The following BAZ1A variants were observed in gnomAD, a reference collection of about 807,000 sequenced individuals.
BAZ1A encodes bromodomain adjacent to zinc finger domain 1A.
A neutral mutation model predicts 185.2 loss-of-function variants in BAZ1A; 50 were observed. That is an observed-to-expected ratio of 0.27 (90% CI 0.22 to 0.34). The LOEUF (loss-of-function observed/expected upper bound fraction) is 0.34. BAZ1A is among the 10% of genes least tolerant of loss of function. BAZ1A has a pLI of 1.00. For synonymous variants in BAZ1A, 571 were observed against 615.6 expected (o/e 0.93, Z 1.07); for missense variants, 1,356 against 1,839.9 (o/e 0.74, Z 4.81).
At chr14:34,849,581 G>A (rs988275106) in intron 3 of BAZ1A, among the ~76,000 whole-genome samples, 3 of 152,104 alleles carry the variant, frequency 2.0e-5, no homozygotes, top group African/African-American at 7.2e-5. Flanking sequence ...TCTGATGAGT[G>A]GAGCAAATCA....
At chr14:34,797,836 G>T (rs1349136317) in intron 9 of BAZ1A, among the ~76,000 whole-genome samples, 1 of 152,082 alleles carries the variant, frequency 6.6e-6, no homozygotes, top group Non-Finnish European at 1.5e-5. Flanking sequence ...AGCAGGGCGA[G>T]CCAAAGCAGG....
At chr14:34,852,390 G>A (rs906859654) in intron 3 of BAZ1A, among the ~76,000 whole-genome samples, 21 of 152,026 alleles carry the variant, frequency 1.4e-4, no homozygotes, top group Admixed American at 1.0e-3. Flanking sequence ...AGGCTAAGGC[G>A]GACAGATCAC....
intron 3 of BAZ1A, among the ~76,000 whole-genome samples, chr14:34,856,579 C>T (rs2042682002): frequency 4.6e-5 from 7 of 151,916 alleles, no homozygotes; most frequent in South Asian, 4.1e-4. Context: ...ATTATGAGGC[C>T]GGGTGCGGTG....
At chr14:34,772,170 G>T (rs1360211697) in intron 20 of BAZ1A, among the ~76,000 whole-genome samples, 2 of 152,022 alleles carry the variant, frequency 1.3e-5, no homozygotes, top group East Asian at 3.8e-4. Context: ...TGGCCAGGCT[G>T]GTCTCGAATG....
intron 5 of BAZ1A, among the ~76,000 whole-genome samples, chr14:34,807,827 C>T (rs1388716597): frequency 2.0e-5 from 3 of 152,096 alleles, no homozygotes; most frequent in Admixed American, 6.6e-5. Context: ...CTTCAAGAGC[C>T]GGGCGCAGTG....
At chr14:34,817,015 T>C (rs2042016398) in intron 4 of BAZ1A, among the ~76,000 whole-genome samples, 1 of 148,906 alleles carries the variant, frequency 6.7e-6, no homozygotes. Flanking sequence ...ACATTAAGAG[T>C]AAAAAAAAAA....
At chr14:34,800,419 T>TA in intron 8 of BAZ1A, 29 bp from the exon 9 acceptor site, 1 of 1,477,322 alleles carries the variant, frequency 6.8e-7, no homozygotes, top group Non-Finnish European at 9.0e-7. Context: ...CTTAGAACTA[T>TA]ATATATAGAC....
chr14:34,862,136 G>C lies in BAZ1A; in HGVS notation c.300C>G (p.Arg100=). The C allele has an allele frequency of 6.2e-7, 1 of 1,614,126 alleles. No homozygotes were observed. The highest frequency in any genetic ancestry group is 8.5e-7 in the Non-Finnish European group (1 of 1,180,034). ...AGATATCATCACAAATTTCATGTAA[G>C]CGCGAACGATGGGTAAGGCTGGTCA... ...LYLTSLTHRS[R]LHEICDDIFA... The change falls in exon 3 of 27, where the codon CGC becomes CGG. Residue 100 remains arginine, a synonymous_variant. Transcript: ENST00000360310.
At chr14:34,756,561 G>C (rs963830278) in intron 25 of BAZ1A, among the ~76,000 whole-genome samples, 1 of 148,466 alleles carries the variant, frequency 6.7e-6, no homozygotes, top group Non-Finnish European at 1.5e-5. Context: ...CGCCTCCTGG[G>C]TTCAAGCGAT....
chr14:34,827,153 G>T (rs781751503), intron 3 of BAZ1A, among the ~76,000 whole-genome samples: 7 of 152,046 alleles, frequency 4.6e-5, no homozygotes, highest in Non-Finnish European at 7.4e-5. Flanking sequence ...GTCTAATACA[G>T]ATATCTACCT....
chr14:34,800,141 A>G, intron 9 of BAZ1A, 83 bp downstream of exon 9: 1 of 1,187,626 alleles, frequency 8.4e-7, no homozygotes, highest in East Asian at 2.8e-5. Context: ...TAGTAAAAGC[A>G]TTTAAAAATC....
At chr14:34,870,375 GAAAAT>G (rs2042931882) in intron 2 of BAZ1A, among the ~76,000 whole-genome samples, 1 of 152,148 alleles carries the variant, frequency 6.6e-6, no homozygotes, top group Non-Finnish European at 1.5e-5. Flanking sequence ...CACTAGCTAA[GAAAAT>G]TATCCAACTT....
chr14:34,858,736 C>CA (rs2042723462), intron 3 of BAZ1A, among the ~76,000 whole-genome samples: 1 of 150,174 alleles, frequency 6.7e-6, no homozygotes, highest in East Asian at 2.0e-4. Flanking sequence ...GGTGGGGAGG[C>CA]AAAAAATAAA....
intron 3 of BAZ1A, among the ~76,000 whole-genome samples, chr14:34,849,848 A>G (rs964751249): frequency 2.0e-5 from 3 of 152,176 alleles, no homozygotes; most frequent in Non-Finnish European, 4.4e-5. Flanking sequence ...CTTCTACCAC[A>G]TATTGCTTCA....
chr14:34,776,035 T>C lies in BAZ1A; in HGVS notation c.2717A>G (p.Glu906Gly), dbSNP rs113407134. The change falls in exon 18 of 27, where the codon GAA becomes GGA. Residue 906 changes from glutamate (E) to glycine (G), a missense_variant. Transcript: ENST00000360310. The part of the protein sequence containing the change: ...SSCEQLDQLI[E>G]ALNSRGHRES... ...TCTATGTCCTCTAGAATTAAGAGCT[T>C]CAATAAGCTGGTCTAGCTGTTCACA... 5.6e-4 allele frequency: 900 copies of C among 1,614,204 alleles called. 5 individuals carry two copies. In the African/African-American group the frequency reaches 0.011, roughly 20 times the overall value.
Position 34,874,107 on chromosome 14 carries a change from C to T in BAZ1A, c.113+385G>A, listed in dbSNP as rs1020324905. Among the ~76,000 whole-genome samples the T allele has an allele frequency of 6.6e-6, 1 of 152,112 alleles. No individual in the cohort carries two copies. The highest frequency in any genetic ancestry group is 1.5e-5 in the Non-Finnish European group (1 of 67,998). ...TCGCTGACCCTAGCGGGGATCCCCTCGGCCGCCGGGAGGGGATCCCGGAAC... is the reference window on the plus strand; with the variant it reads ...TCGCTGACCCTAGCGGGGATCCCCTTGGCCGCCGGGAGGGGATCCCGGAAC... On this transcript the variant is annotated intron_variant, in intron 2 of 26. Transcript: ENST00000360310. This position sits in a 1 kb window ranked among gnomAD's most constrained non-coding sequence, Gnocchi z 4.7.
In BAZ1A at chr14:34,832,215, C is replaced by CACACACACACACACACATATATATAT; in HGVS notation, c.393-6060_393-6059insATATATATATGTGTGTGTGTGTGTGT. Reference sequence around the variant, plus strand: ...ATACACACACACACACACACACACACATATATATATATATATGTATGTATG... The same window carrying CACACACACACACACACATATATATAT: ...ATACACACACACACACACACACACACACACACACACACACACATATATATATATATATATATATATATGTATGTATG... On this transcript the variant is annotated intron_variant, in intron 3 of 26. Coordinates refer to ENST00000360310, the MANE Select transcript of BAZ1A (RefSeq NM_013448.3). 5.2e-3 allele frequency among the ~76,000 whole-genome samples: 467 copies of CACACACACACACACACATATATATAT among 89,646 alleles called. 9 individuals carry two copies. Among genetic ancestry groups the CACACACACACACACACATATATATAT allele is most frequent in the East Asian group, 9.6e-3 (25 of 2,610 alleles). The allele number at this position is 89,646 out of a possible 152,430, so 58.8% of individuals were successfully genotyped here.
intron 3 of BAZ1A, among the ~76,000 whole-genome samples, chr14:34,841,187 T>C (rs193096660): frequency 2.0e-5 from 3 of 152,208 alleles, no homozygotes; most frequent in East Asian, 1.9e-4. Flanking sequence ...AAAATCAGTA[T>C]TGTTAACTGA....
At chr14:34,863,007 G>A (rs953153764) in intron 2 of BAZ1A, among the ~76,000 whole-genome samples, 60 of 53,808 alleles carry the variant, frequency 1.1e-3, no homozygotes, top group Non-Finnish European at 1.7e-3. Context: ...TTTTTTTTTT[G>A]AGACGGAGTC....
Sources: allele counts gnomAD v4.1 joint callset (sites outside exome capture counted in the v4.1 genomes callset), GRCh38; gene constraint gnomAD v4.1.1; non-coding constraint Gnocchi (gnomAD v3.1); transcripts MANE v1.5; gene names NCBI Gene and HGNC (gene_info 2026-07-23, HGNC 2026-07-21).